The following GABRG3 variants were observed in gnomAD, a reference collection of about 807,000 sequenced individuals.
GABRG3 encodes gamma-aminobutyric acid receptor subunit gamma-3.
Under a neutral mutation model 48.8 loss-of-function variants are expected in GABRG3, and 25 were observed. The observed-to-expected ratio is 0.51, with a 90% confidence interval of 0.37 to 0.72. The LOEUF (loss-of-function observed/expected upper bound fraction) is 0.72, where lower values mean the gene tolerates loss of function less well. Ranked by LOEUF, GABRG3 falls within the 30% of genes least tolerant of loss-of-function variation. The probability of loss-of-function intolerance (pLI) is 0.00; values close to 1 mark genes in which losing one functional copy is unlikely to be tolerated. For missense variants in GABRG3, 394 were observed against 577.9 expected (o/e 0.68, Z 3.26); for synonymous variants, 227 against 217.6 (o/e 1.04, Z -0.38).
intron 3 of GABRG3, among the ~76,000 whole-genome samples, chr15:27,081,710 A>T (rs1896995533): frequency 1.3e-5 from 2 of 152,180 alleles, no homozygotes; most frequent in African/African-American, 4.8e-5. Context: ...TGCCACTATG[A>T]TACCAACAAC....
chr15:27,409,621 C>CA lies in GABRG3; in HGVS notation c.575-71021dup, dbSNP rs531169851. On this transcript the variant is annotated intron_variant, in intron 5 of 9. Transcript: ENST00000615808. ...TTTTGGAATAGCTTATCTTATGTAG[C>CA]AAAAAAAACTCTAGCTGGAATTTTA... 8.9e-3 allele frequency among the ~76,000 whole-genome samples: 1,352 copies of CA among 151,708 alleles called. 14 individuals are homozygous for CA. The highest frequency in any genetic ancestry group is 0.031 in the African/African-American group (1,264 of 41,396).
chr15:27,451,600 T>G (rs541028020), intron 5 of GABRG3, among the ~76,000 whole-genome samples: 2 of 152,162 alleles, frequency 1.3e-5, no homozygotes, highest in South Asian at 4.1e-4. Flanking sequence ...AGAAAACATA[T>G]GGGGAAAACT....
chr15:27,297,881 T>C (rs924186781), intron 3 of GABRG3, among the ~76,000 whole-genome samples: 3 of 151,880 alleles, frequency 2.0e-5, no homozygotes, highest in East Asian at 1.9e-4. Context: ...TAAAGTTCTA[T>C]ATTCCACTTG....
Position 27,375,927 on chromosome 15 carries a change from A to G in GABRG3, c.574+47039A>G, listed in dbSNP as rs138705177. Among the ~76,000 whole-genome samples the G allele has an allele frequency of 5.6e-3, 849 of 152,284 alleles. 8 individuals are homozygous for G. The highest frequency in any genetic ancestry group is 0.014 in the Middle Eastern group (4 of 294). ...CTCAACTCATTTCAGCATTAACTCA[A>G]AAGTCCACAGTTCAAAGTCTCATCC... is the stretch of plus-strand genomic sequence containing the variant. On this transcript the variant is annotated intron_variant, in intron 5 of 9. Transcript: ENST00000615808.
intron 3 of GABRG3, among the ~76,000 whole-genome samples, chr15:27,042,231 C>T (rs888306108): frequency 1.2e-4 from 18 of 152,154 alleles, no homozygotes; most frequent in Admixed American, 3.9e-4. Context: ...GAGAAGCTCC[C>T]GAATCCCCAC....
At chr15:27,242,781 T>C (rs1353439392) in intron 3 of GABRG3, among the ~76,000 whole-genome samples, 1 of 152,178 alleles carries the variant, frequency 6.6e-6, no homozygotes, top group Admixed American at 6.5e-5. Flanking sequence ...GTGACAAATA[T>C]TTAATTTGGG....
chr15:27,255,349 T>C (rs1461501339), intron 3 of GABRG3, among the ~76,000 whole-genome samples: 4 of 152,218 alleles, frequency 2.6e-5, no homozygotes, highest in African/African-American at 4.8e-5. Context: ...GGGATGATTC[T>C]CTAACAGACT....
chr15:27,204,372 A>G (rs1002701930), intron 3 of GABRG3, among the ~76,000 whole-genome samples: 1 of 151,990 alleles, frequency 6.6e-6, no homozygotes, highest in Non-Finnish European at 1.5e-5. Context: ...ATGCAGCTTT[A>G]TTTCTGGTTT....
At chr15:27,249,291 C>T (rs570860364) in intron 3 of GABRG3, among the ~76,000 whole-genome samples, 11 of 152,232 alleles carry the variant, frequency 7.2e-5, no homozygotes, top group African/African-American at 1.2e-4. Flanking sequence ...CATGAAACCG[C>T]GGGGCTGGGC....
At position 27,184,443 on chromosome 15, in the gene GABRG3, C is replaced by T. The variant is rs561500470; in HGVS notation, c.271-142366C>T. On this transcript the variant is annotated intron_variant, in intron 3 of 9. Transcript: ENST00000615808. The stretch of plus-strand genomic sequence containing the variant: ...CCTTCAGCTCAAAGTAATCTTTATG[C>T]CAAAACAGCACATTTTGGGGTGGCA... Among the ~76,000 whole-genome samples the T allele has an allele frequency of 5.3e-5, 8 of 152,238 alleles. No individual in the cohort carries two copies. In the South Asian group the frequency reaches 1.7e-3, roughly 32 times the overall value.
chr15:27,186,651 C>T (rs981775386), intron 3 of GABRG3, among the ~76,000 whole-genome samples: 5 of 152,176 alleles, frequency 3.3e-5, no homozygotes, highest in African/African-American at 7.2e-5. Flanking sequence ...CTTTTCTCTG[C>T]AGCCTTGCCA....
At chr15:27,119,497 CAG>C (rs756811394) in intron 3 of GABRG3, among the ~76,000 whole-genome samples, 106 of 152,136 alleles carry the variant, frequency 7.0e-4, no homozygotes, top group Non-Finnish European at 1.1e-3. Context: ...TGCTGTGTAA[CAG>C]GGGAGCACAG....
At chr15:27,270,728 C>T (rs1469699391) in intron 3 of GABRG3, among the ~76,000 whole-genome samples, 1 of 152,106 alleles carries the variant, frequency 6.6e-6, no homozygotes, top group Non-Finnish European at 1.5e-5. Context: ...AGAGATGTAA[C>T]TCTAAGAGTT....
intron 2 of GABRG3, among the ~76,000 whole-genome samples, chr15:26,990,803 ATTTTT>A (rs36038223): frequency 7.7e-6 from 1 of 129,444 alleles, no homozygotes; most frequent in Non-Finnish European, 1.6e-5. Flanking sequence ...ATCCATTTTG[ATTTTT>A]TTTTTTTTTT....
intron 5 of GABRG3, among the ~76,000 whole-genome samples, chr15:27,436,310 C>T (rs1888609975): frequency 6.6e-6 from 1 of 152,194 alleles, no homozygotes; most frequent in Non-Finnish European, 1.5e-5. Context: ...GAAGGGGCTG[C>T]ATCCTCATGA....
chr15:27,306,380 A>G (rs1892448270), intron 3 of GABRG3, among the ~76,000 whole-genome samples: 1 of 140,362 alleles, frequency 7.1e-6, no homozygotes, highest in Non-Finnish European at 1.5e-5. Context: ...TAATATAAAC[A>G]TGTCTACATG....
At chr15:27,325,420 G>T (rs544005847) in intron 3 of GABRG3, among the ~76,000 whole-genome samples, 1 of 152,296 alleles carries the variant, frequency 6.6e-6, no homozygotes, top group African/African-American at 2.4e-5. Context: ...GGAAAAGCTC[G>T]CTGAGAACCT....
rs1893631799 is a variant in GABRG3, at chr15:27,326,840, C to T, written c.302C>T (p.Thr101Ile). 1.2e-6 allele frequency: 2 copies of T among 1,613,830 alleles called. No homozygotes were observed. Among genetic ancestry groups the T allele is most frequent in the African/African-American group, 1.3e-5 (1 of 74,904 alleles). Residue 101 changes from threonine (T) to isoleucine (I), a missense_variant, in exon 4 of 10, where the codon ACC becomes ATC. Physicochemically the swap from Thr to Ile is moderately conservative, Grantham distance 89. Transcript: ENST00000615808. ...CAAATTGACATATTTTTTGCTCAGA[C>T]CTGGACAGATAGTCGCCTTCGATTC... Reference protein sequence around the residue: ...EYQIDIFFAQTWTDSRLRFNS... With the variant: ...EYQIDIFFAQIWTDSRLRFNS...
chr15:27,518,077 G>A (rs937247172), intron 6 of GABRG3, among the ~76,000 whole-genome samples: 26 of 151,782 alleles, frequency 1.7e-4, no homozygotes, highest in African/African-American at 5.6e-4. Flanking sequence ...TGGGCTGGGC[G>A]TGGTGGCTCA....
Sources: gnomAD v4.1 joint callset for allele counts (sites outside exome capture counted in the v4.1 genomes callset) on GRCh38, gnomAD v4.1.1 for gene constraint, MANE v1.5 for transcripts, NCBI Gene and HGNC (gene_info 2026-07-23, HGNC 2026-07-21) for gene names.